RBFOX1: variants seen among roughly 807,000 people sequenced by gnomAD.
RBFOX1 encodes RNA binding protein fox-1 homolog 1.
Under a neutral mutation model 57.7 loss-of-function variants are expected in RBFOX1, and 8 were observed. The ratio of observed to expected loss-of-function variants is 0.14; its 90% CI spans 0.08 to 0.25. The LOEUF is 0.25. Among genes scored for constraint, RBFOX1 ranks in the 10% least tolerant of loss-of-function variants. The pLI, the probability that RBFOX1 is intolerant of heterozygous loss-of-function variation, is 1.00. For synonymous variants in RBFOX1, 326 were observed against 222.4 expected (o/e 1.47, Z -4.15); for missense variants, 611 against 548.5 (o/e 1.11, Z -1.14).
At chr16:5,626,955 C>G (rs1466033589) in intron 3 of RBFOX1, among the ~76,000 whole-genome samples, 1 of 152,168 alleles carries the variant, frequency 6.6e-6, no homozygotes, top group African/African-American at 2.4e-5. Context: ...AAGCCCCAGT[C>G]AGTTCAGATA....
chr16:5,595,527 G>A (rs1287860703), intron 2 of RBFOX1, among the ~76,000 whole-genome samples: 1 of 152,270 alleles, frequency 6.6e-6, no homozygotes, highest in East Asian at 1.9e-4. Flanking sequence ...TCGGGACCCT[G>A]GTTTGGGATC....
intron 4 of RBFOX1, among the ~76,000 whole-genome samples, chr16:5,898,746 C>T (rs894086352): frequency 6.6e-6 from 1 of 151,852 alleles, no homozygotes; most frequent in South Asian, 2.1e-4. Context: ...TGTAGCTTCC[C>T]TCTCATTAAT....
intron 3 of RBFOX1, among the ~76,000 whole-genome samples, chr16:5,657,618 TTC>T (rs35869077): frequency 9.1e-6 from 1 of 109,718 alleles, no homozygotes; most frequent in South Asian, 3.4e-4. Flanking sequence ...CTTTCTTTCT[TTC>T]TCTCTTTCTT....
At chr16:6,697,446 C>G (rs13336391) in intron 3 of RBFOX1, among the ~76,000 whole-genome samples, 14,983 of 152,152 alleles carry the variant, frequency 0.098, 1,440 homozygotes, top group East Asian at 0.44. Context: ...AAACAGCCCA[C>G]GGTGAGACTG....
chr16:5,842,553 C>T (rs1028307658), intron 3 of RBFOX1, among the ~76,000 whole-genome samples: 1 of 152,160 alleles, frequency 6.6e-6, no homozygotes, highest in Non-Finnish European at 1.5e-5. Context: ...TTCATTTATC[C>T]ATTTTTAAAC....
intron 3 of RBFOX1, among the ~76,000 whole-genome samples, chr16:6,841,567 C>T (rs1391719518): frequency 6.6e-6 from 1 of 152,168 alleles, no homozygotes; most frequent in Non-Finnish European, 1.5e-5. Context: ...CAGGCCCTTT[C>T]TCCTACGAGC....
At chr16:7,565,766 A>C (rs71374952) in intron 5 of RBFOX1, among the ~76,000 whole-genome samples, 6 of 152,110 alleles carry the variant, frequency 3.9e-5, no homozygotes, top group Non-Finnish European at 1.5e-5. Flanking sequence ...CTGGCTCTTC[A>C]AAGTACACTT....
At chr16:5,653,415 T>C (rs1362527412) in intron 3 of RBFOX1, among the ~76,000 whole-genome samples, 1 of 134,764 alleles carries the variant, frequency 7.4e-6, no homozygotes, top group Non-Finnish European at 1.6e-5. Flanking sequence ...GTGTGCTGGG[T>C]TTCTTTGAGG....
chr16:6,081,700 G>A (rs2096004321), intron 1 of RBFOX1, among the ~76,000 whole-genome samples: 2 of 152,170 alleles, frequency 1.3e-5, no homozygotes, highest in African/African-American at 4.8e-5. Context: ...TTAAATGAAA[G>A]TTGAGCTAAA....
At chr16:5,345,887 G>C (rs879770144) in intron 1 of RBFOX1, among the ~76,000 whole-genome samples, 1 of 152,166 alleles carries the variant, frequency 6.6e-6, no homozygotes, top group South Asian at 2.1e-4. Context: ...TTTAGGATAG[G>C]TTCACCCTCC....
intron 1 of RBFOX1, among the ~76,000 whole-genome samples, chr16:6,297,837 C>T (rs1420310227): frequency 6.6e-6 from 1 of 152,128 alleles, no homozygotes; most frequent in Non-Finnish European, 1.5e-5. Flanking sequence ...GGAGATTGGC[C>T]ACTGGGTGGC....
intron 2 of RBFOX1, among the ~76,000 whole-genome samples, chr16:5,580,053 G>C (rs1476326755): frequency 6.6e-6 from 1 of 152,150 alleles, no homozygotes; most frequent in South Asian, 2.1e-4. Context: ...TTACAGGTGT[G>C]AGCCACTGCG....
At chr16:6,389,886 A>G (rs2092507704) in intron 2 of RBFOX1, among the ~76,000 whole-genome samples, 1 of 152,184 alleles carries the variant, frequency 6.6e-6, no homozygotes, top group Admixed American at 6.5e-5. Flanking sequence ...TCTTTGAGCT[A>G]CTTATGTGTA....
At chr16:5,539,149 A>T (rs2342431) in intron 2 of RBFOX1, among the ~76,000 whole-genome samples, 112,614 of 152,094 alleles carry the variant, frequency 0.74, 42,151 homozygotes, top group East Asian at 0.99. Context: ...TTCCAGGTGC[A>T]TGGTTCAGGG....
chr16:6,012,306 G>A (rs915276203), intron 4 of RBFOX1, among the ~76,000 whole-genome samples: 1 of 152,194 alleles, frequency 6.6e-6, no homozygotes, highest in Admixed American at 6.5e-5. Flanking sequence ...GCATAGTAAG[G>A]CTAAATGTAT....
At chr16:6,079,958 A>C (rs2095974833) in intron 1 of RBFOX1, among the ~76,000 whole-genome samples, 1 of 152,244 alleles carries the variant, frequency 6.6e-6, no homozygotes, top group Admixed American at 6.5e-5. Flanking sequence ...TTGACTTTCA[A>C]AACCCTGATT....
chr16:7,349,044 T>C (rs912930744), intron 4 of RBFOX1, among the ~76,000 whole-genome samples: 2 of 152,168 alleles, frequency 1.3e-5, no homozygotes, highest in Admixed American at 1.3e-4. Flanking sequence ...TTTCTTGAAA[T>C]GGGGACATTG....
Position 5,615,337 on chromosome 16 carries a change from T to G in RBFOX1, c.318+16376T>G, listed in dbSNP as rs193217224. On this transcript the variant is annotated intron_variant, in intron 3 of 19. Coordinates refer to the RBFOX1 transcript ENST00000641259. ...GGAGCCACTGCACCCAGCAGCTGAG[T>G]TTTTTTGACAAGCTAAGAGGCAAAG... Among the ~76,000 whole-genome samples, 481 of 152,242 alleles carry G rather than the reference T, an allele frequency of 3.2e-3. 3 individuals carry two copies. The highest frequency in any genetic ancestry group is 3.7e-3 in the Non-Finnish European group (254 of 68,004).
intron 9 of RBFOX1, among the ~76,000 whole-genome samples, chr16:7,601,430 A>G (rs757861356): frequency 6.6e-6 from 1 of 152,214 alleles, no homozygotes; most frequent in African/African-American, 2.4e-5. Context: ...TTAAGTCATC[A>G]TATTATTCCT....
Sources: gnomAD v4.1 joint callset for allele counts (sites outside exome capture counted in the v4.1 genomes callset) on GRCh38, gnomAD v4.1.1 for gene constraint, MANE v1.5 for transcripts, NCBI Gene and HGNC (gene_info 2026-07-23, HGNC 2026-07-21) for gene names.